ALG5: variants seen among roughly 807,000 people sequenced by gnomAD.
ALG5 encodes ALG5 dolichyl-phosphate beta-glucosyltransferase.
A neutral mutation model predicts 51.8 loss-of-function variants in ALG5; 26 were observed. The observed-to-expected ratio is 0.50, with a 90% CI of 0.37 to 0.70. ALG5 has a LOEUF of 0.70. ALG5 is among the 30% of genes least tolerant of loss of function. ALG5 has a pLI of 0.00. For missense variants in ALG5, 311 were observed against 399.3 expected, an observed-to-expected ratio of 0.78 and a Z score of 1.88; for synonymous variants, 141 against 136.1, an observed-to-expected ratio of 1.04 and a Z score of -0.25.
intron 8 of ALG5, among the ~76,000 whole-genome samples, chr13:36,965,339 C>G (rs1418197199): frequency 1.7e-5 from 1 of 57,520 alleles, no homozygotes; most frequent in African/African-American, 7.2e-5. Context: ...CACTCAATTT[C>G]TACTGTCTAC....
At chr13:36,991,957 C>A (rs1490295563) in intron 4 of ALG5, among the ~76,000 whole-genome samples, 2 of 152,156 alleles carry the variant, frequency 1.3e-5, no homozygotes. Context: ...AAAGTCCTGG[C>A]TGTCCCTTAC....
chr13:36,970,931 T>A (rs1192687806), intron 7 of ALG5, among the ~76,000 whole-genome samples: 1 of 152,060 alleles, frequency 6.6e-6, no homozygotes, highest in Non-Finnish European at 1.5e-5. Flanking sequence ...AAACAAAAAA[T>A]AAAAAGAGAG....
chr13:36,988,872 G>A (rs1312465389), intron 5 of ALG5, among the ~76,000 whole-genome samples: 1 of 152,010 alleles, frequency 6.6e-6, no homozygotes, highest in Non-Finnish European at 1.5e-5. Flanking sequence ...CTTTTTATGA[G>A]GGAAAAATAA....
At chr13:36,978,130 C>G (rs2058962464) in intron 6 of ALG5, among the ~76,000 whole-genome samples, 1 of 150,704 alleles carries the variant, frequency 6.6e-6, no homozygotes, top group East Asian at 2.0e-4. Context: ...TCATGATCCA[C>G]CCGCCTCGGC....
At chr13:36,983,175 GC>G (rs1161844165) in intron 6 of ALG5, among the ~76,000 whole-genome samples, 5 of 152,142 alleles carry the variant, frequency 3.3e-5, no homozygotes, top group Non-Finnish European at 7.3e-5. Context: ...AAAATCAGCT[GC>G]TAAAAATCTG....
In ALG5 at chr13:36,999,243, G is replaced by A. The variant is rs772872038; in HGVS notation, c.58C>T (p.Leu20Phe). 8 of 1,580,360 alleles carry A rather than the reference G, an allele frequency of 5.1e-6. No homozygotes were observed. In the South Asian group the frequency reaches 8.0e-5, roughly 16 times the overall value. ...VLGAALAAAA[L>F]VLISIVAFTT... The stretch of plus-strand genomic sequence containing the variant: ...CCCATCCCTGTTCTCACCAGTACGA[G>A]GGCTGCGGCCGCCAGCGCCGCGCCG... Residue 20 changes from leucine to phenylalanine, a missense_variant, in exon 1 of 10, where the codon CTC becomes TTC. Transcript: ENST00000239891.
rs145953194 is a variant in ALG5 at position 36,972,024 on chromosome 13, T to A, written c.574A>T (p.Ile192Leu). Residue 192 changes from isoleucine (I) to leucine (L), a missense_variant, in exon 7 of 10, where the codon ATA becomes TTA. Physicochemically the swap from Ile to Leu is conservative, Grantham distance 5. Transcript: ENST00000239891. ...DLQPWPNQMA[I>L]ACGSRAHLEK... ...AAATGAGCTCGAGATCCACATGCTA[T>A]AGCCATTTGATTCTGAGGGAAAAAG... is the stretch of plus-strand genomic sequence containing the variant. The A allele has an allele frequency of 7.5e-6, 12 of 1,597,172 alleles. 1 individual carries two copies. The African/African-American group carries it at 1.5e-4, about 20-fold the overall frequency.
chr13:36,963,970 A>G (rs1255096746), intron 8 of ALG5, among the ~76,000 whole-genome samples: 1 of 152,226 alleles, frequency 6.6e-6, no homozygotes, highest in African/African-American at 2.4e-5. Flanking sequence ...TATACTAATA[A>G]GTAAAATTAA....
intron 8 of ALG5, among the ~76,000 whole-genome samples, chr13:36,954,913 G>C (rs1383443866): frequency 2.0e-5 from 3 of 152,116 alleles, no homozygotes; most frequent in African/African-American, 7.2e-5. Context: ...TAAGAACAAA[G>C]ATGGGAGGAA....
rs1400005996 is a variant in ALG5, at chr13:36,974,247, A to G, written c.562-2211T>C. 4.6e-5 allele frequency among the ~76,000 whole-genome samples: 7 copies of G among 152,226 alleles called. No homozygotes were observed. In the East Asian group the frequency reaches 1.3e-3, roughly 29 times the overall value. On this transcript the variant is annotated intron_variant, in intron 6 of 9. Coordinates refer to ENST00000239891, the MANE Select transcript of ALG5 (RefSeq NM_013338.5). ...ATCTTCCCAATAAAAGAAATGAGTAACACTAGTTATATCTGAGGGTAACTG... is the reference window on the plus strand; with the variant it reads ...ATCTTCCCAATAAAAGAAATGAGTAGCACTAGTTATATCTGAGGGTAACTG...
At chr13:36,993,699 C>A in intron 3 of ALG5, 27 bp from the exon 4 acceptor site, 1 of 1,597,224 alleles carries the variant, frequency 6.3e-7, no homozygotes, top group Non-Finnish European at 8.6e-7. Flanking sequence ...TAAAGTAATA[C>A]AATTTGGCAT....
intron 5 of ALG5, among the ~76,000 whole-genome samples, chr13:36,986,535 T>C (rs1448259849): frequency 1.3e-5 from 2 of 152,342 alleles, no homozygotes; most frequent in South Asian, 2.1e-4. Context: ...GTAAGACATA[T>C]ACAAATGTAG....
At chr13:36,955,690 A>G (rs2058836688) in intron 8 of ALG5, among the ~76,000 whole-genome samples, 1 of 128,396 alleles carries the variant, frequency 7.8e-6, no homozygotes. Flanking sequence ...GATTGTGAAA[A>G]AAAAAAAAAA....
intron 6 of ALG5, among the ~76,000 whole-genome samples, chr13:36,974,144 A>T (rs1593670985): frequency 6.6e-6 from 1 of 152,248 alleles, no homozygotes; most frequent in Non-Finnish European, 1.5e-5. Flanking sequence ...TCTCCAAGAC[A>T]CATTGTTAAG....
rs148238935 is a variant in ALG5, at chr13:36,955,206, A to G, written c.774-2607T>C. On this transcript the variant is annotated intron_variant, in intron 8 of 9. Coordinates refer to ENST00000239891, the MANE Select transcript of ALG5 (RefSeq NM_013338.5). ...TACTTTCATGAAAATGACCTGTCCAAAAGACAATGCCAGTTGGGACTTTCT... is the reference window on the plus strand; with the variant it reads ...TACTTTCATGAAAATGACCTGTCCAGAAGACAATGCCAGTTGGGACTTTCT... Among the ~76,000 whole-genome samples, 234 of 152,332 alleles carry G rather than the reference A, an allele frequency of 1.5e-3. 1 individual carries two copies. Among genetic ancestry groups the G allele is most frequent in the African/African-American group, 5.4e-3 (226 of 41,576 alleles).
intron 4 of ALG5, among the ~76,000 whole-genome samples, chr13:36,992,186 C>T (rs2059028440): frequency 6.6e-6 from 1 of 152,154 alleles, no homozygotes; most frequent in Non-Finnish European, 1.5e-5. Context: ...ATGTCTAACA[C>T]ATAGTGCTCT....
chr13:36,998,363 CTG>C (rs1223031258), intron 1 of ALG5, among the ~76,000 whole-genome samples: 17 of 152,284 alleles, frequency 1.1e-4, no homozygotes, highest in African/African-American at 3.6e-4. Context: ...TTTATCTAAA[CTG>C]TAAATTTATA....
At chr13:36,972,789 G>A (rs577586055) in intron 6 of ALG5, among the ~76,000 whole-genome samples, 10 of 151,976 alleles carry the variant, frequency 6.6e-5, no homozygotes, top group Non-Finnish European at 1.5e-4. Flanking sequence ...TCAGGAGATC[G>A]AGATCATCCT....
In ALG5 at chr13:36,997,907, T is replaced by C. The variant is rs148549397; in HGVS notation, c.66+1328A>G. 3.9e-4 allele frequency among the ~76,000 whole-genome samples: 59 copies of C among 152,330 alleles called. No individual in the cohort carries two copies. In the Middle Eastern group the frequency reaches 0.02, roughly 53 times the overall value. ...GGCATTTAAAAAACCTAAGTTTCAC[T>C]AGTTGTGCAACATTTGAGTACACGA... On this transcript the variant is annotated intron_variant, in intron 1 of 9. Coordinates refer to ENST00000239891, the MANE Select transcript of ALG5 (RefSeq NM_013338.5).
Sources: allele counts gnomAD v4.1 joint callset (sites outside exome capture counted in the v4.1 genomes callset), GRCh38; gene constraint gnomAD v4.1.1; transcripts MANE v1.5; gene names NCBI Gene and HGNC (gene_info 2026-07-23, HGNC 2026-07-21).